The following PPP4R1 variants were observed in gnomAD, a reference collection of about 807,000 sequenced individuals.
PPP4R1 encodes the protein protein phosphatase 4 regulatory subunit 1.
Under a neutral mutation model 111.2 loss-of-function variants are expected in PPP4R1, and 42 were observed. That is an observed-to-expected ratio of 0.38 (90% CI 0.29 to 0.49). The LOEUF is 0.49. Ranked by LOEUF, PPP4R1 falls within the 20% of genes least tolerant of loss-of-function variation. The pLI is 0.97. For missense variants in PPP4R1, 1,012 were observed against 1,161.6 expected, an observed-to-expected ratio of 0.87 and a Z score of 1.87; for synonymous variants, 409 against 405.5, an observed-to-expected ratio of 1.01 and a Z score of -0.10.
chr18:9,570,486 T>C lies in PPP4R1; in HGVS notation c.1244A>G (p.His415Arg). ...ATTCTCATTACTAGCTGCTTCCTGG[T>C]GAGATTCTGAGGACAAAGTACAAAG... ...SLLCTLSSES[H>R]QEAASNENDK... Residue 415 changes from histidine to arginine, a missense_variant, in exon 11 of 20, where the codon CAC (histidine) becomes CGC (arginine). Physicochemically the swap from His to Arg is conservative, Grantham distance 29. Transcript: ENST00000400556. 6.2e-7 allele frequency: 1 copy of C among 1,614,024 alleles called. No homozygotes were observed.
At chr18:9,565,870 A>G (rs2066756310) in intron 11 of PPP4R1, among the ~76,000 whole-genome samples, 1 of 152,234 alleles carries the variant, frequency 6.6e-6, no homozygotes, top group Non-Finnish European at 1.5e-5. Context: ...CAGAAGATCT[A>G]GCTAAGATTA....
At chr18:9,561,557 T>C (rs1163023827) in intron 13 of PPP4R1, among the ~76,000 whole-genome samples, 1 of 152,214 alleles carries the variant, frequency 6.6e-6, no homozygotes, top group Non-Finnish European at 1.5e-5. Context: ...TTGTTACTGA[T>C]GGCACTTTAA....
At chr18:9,607,344 G>T (rs549697866) in intron 2 of PPP4R1, among the ~76,000 whole-genome samples, 81 of 143,654 alleles carry the variant, frequency 5.6e-4, no homozygotes, top group African/African-American at 2.1e-3. Context: ...CTGGGCAACA[G>T]AGCCAGACCC....
intron 11 of PPP4R1, among the ~76,000 whole-genome samples, chr18:9,567,605 G>A (rs964799323): frequency 6.6e-6 from 1 of 152,182 alleles, no homozygotes; most frequent in African/African-American, 2.4e-5. Context: ...TGATGATGCT[G>A]TGAACATTGT....
chr18:9,609,188 T>C (rs897143146), intron 2 of PPP4R1, among the ~76,000 whole-genome samples: 11 of 152,200 alleles, frequency 7.2e-5, no homozygotes, highest in African/African-American at 2.2e-4. Context: ...ATATTATCTC[T>C]AAATAAAGAT....
intron 15 of PPP4R1, among the ~76,000 whole-genome samples, chr18:9,555,997 C>A (rs113119112): frequency 0.57 from 76,733 of 135,214 alleles, 21,709 homozygotes; most frequent in East Asian, 0.78. Flanking sequence ...AACAAACAAA[C>A]AAAAAAACAC....
At chr18:9,574,915 G>C (rs1219898762) in intron 10 of PPP4R1, among the ~76,000 whole-genome samples, 1 of 152,146 alleles carries the variant, frequency 6.6e-6, no homozygotes, top group Non-Finnish European at 1.5e-5. Flanking sequence ...ATGTGATAAC[G>C]AATGCTTATT....
rs1308485128 is a variant in PPP4R1, at chr18:9,588,184, T to C, written c.490A>G (p.Ile164Val). The C allele has an allele frequency of 1.9e-6, 3 of 1,614,196 alleles. No homozygotes were observed. The highest frequency in any genetic ancestry group is 4.5e-5 in the East Asian group (2 of 44,884). The change falls in exon 6 of 20, where the codon ATT becomes GTT. Residue 164 changes from isoleucine (I) to valine (V), a missense_variant. By Grantham distance (29) the Ile-to-Val change is conservative. Coordinates refer to ENST00000400556, the MANE Select transcript of PPP4R1 (RefSeq NM_001042388.3). ...ALLALLEQEL[I>V]ERFDVETKVC... ...TTGGTCTCCACATCAAATCGTTCAA[T>C]GAGCTCCTGCTCCAACAGAGCCAGC...
At chr18:9,578,934 AAACTT>A (rs1262040942) in intron 9 of PPP4R1, among the ~76,000 whole-genome samples, 2 of 152,218 alleles carry the variant, frequency 1.3e-5, no homozygotes, top group African/African-American at 2.4e-5. Context: ...AGGACATAGA[AAACTT>A]AATTTATCTA....
intron 9 of PPP4R1, among the ~76,000 whole-genome samples, chr18:9,581,304 AATG>A (rs1310853275): frequency 6.6e-6 from 1 of 152,212 alleles, no homozygotes; most frequent in African/African-American, 2.4e-5. Context: ...AACCAAAGGA[AATG>A]ATGATTACAG....
chr18:9,588,128 G>C lies in PPP4R1; in HGVS notation c.546C>G (p.Ala182=), dbSNP rs1399349687. 1 of 1,614,040 alleles carries C rather than the reference G, an allele frequency of 6.2e-7. No homozygotes were observed. The highest frequency in any genetic ancestry group is 2.2e-5 in the East Asian group (1 of 44,874). ...KVCPVLIELT[A]PDSNDDVKTE... ...TTTTCACATCATCATTGCTATCTGGGGCTGTCAGCTCTATGAGGACAGGGC... is the reference window on the plus strand; with the variant it reads ...TTTTCACATCATCATTGCTATCTGGCGCTGTCAGCTCTATGAGGACAGGGC... Residue 182 remains alanine (A), a synonymous_variant, in exon 6 of 20, where the codon GCC becomes GCG. Transcript: ENST00000400556.
Position 9,614,356 on chromosome 18 carries a change from CG to C in PPP4R1, c.8-87del. ...CCCCCCGCCCGCCTCCCCCCCGCCC[CG>C]GGGGCGCCTTCCCGCGCCGGGACCC... On this transcript the variant is annotated intron_variant, in intron 1 of 19. Transcript: ENST00000400556. This position sits in a 1 kb window ranked among gnomAD's most constrained non-coding sequence, Gnocchi z 4.1. The C allele has an allele frequency of 9.5e-7, 1 of 1,052,082 alleles. No individual in the cohort carries two copies. The allele number at this position is 1,052,082 out of a possible 1,614,324, so 65.2% of individuals were successfully genotyped here. A position where few individuals can be genotyped will look rare whatever the true frequency, so the allele number is the denominator to read the frequency against.
At chr18:9,604,980 A>G (rs2067454194) in intron 2 of PPP4R1, among the ~76,000 whole-genome samples, 1 of 152,226 alleles carries the variant, frequency 6.6e-6, no homozygotes, top group African/African-American at 2.4e-5. Context: ...GTATCACACC[A>G]AAGAGAACTT....
chr18:9,613,642 A>AC (rs35417038), intron 2 of PPP4R1: 92,669 of 152,056 alleles, frequency 0.61, 28,503 homozygotes, highest in African/African-American at 0.67. Flanking sequence ...ACACCTTCTA[A>AC]CCTTCTCGTA....
intron 2 of PPP4R1, among the ~76,000 whole-genome samples, chr18:9,610,629 A>AT (rs138759213): frequency 0.2 from 30,182 of 150,924 alleles, 3,326 homozygotes; most frequent in East Asian, 0.49. Context: ...CGCCCAGTTA[A>AT]TTTTTTTTTG....
intron 2 of PPP4R1, chr18:9,613,597 T>C (rs2067623041): frequency 6.6e-6 from 1 of 151,964 alleles, no homozygotes; most frequent in South Asian, 2.1e-4. Context: ...ATTAAAGAAA[T>C]ATGCTCTCCA....
At chr18:9,550,250 T>A (rs1568080968) in intron 17 of PPP4R1, 28 bp downstream of exon 17, 2 of 1,613,686 alleles carry the variant, frequency 1.2e-6, no homozygotes, top group African/African-American at 1.3e-5. Context: ...AGTTTGCTGA[T>A]CTAAAATTTT....
At chr18:9,566,203 G>A (rs1391601875) in intron 11 of PPP4R1, among the ~76,000 whole-genome samples, 1 of 151,598 alleles carries the variant, frequency 6.6e-6, no homozygotes, top group African/African-American at 2.4e-5. Flanking sequence ...GAGCCACCTC[G>A]CCCGGCCCAG....
rs1313605789 is a variant in PPP4R1, at chr18:9,547,712, C to T, written c.*77G>A. 3.2e-6 allele frequency: 5 copies of T among 1,549,396 alleles called. No homozygotes were observed. The highest frequency in any genetic ancestry group is 4.4e-6 in the Non-Finnish European group (5 of 1,130,286). ...GGTCTCTCCTCCCCCGAAAGCTATC[C>T]CAGGTCACATGCGTGGCGAATGCCC... On this transcript the variant is annotated 3_prime_UTR_variant, in exon 20 of 20. Coordinates refer to ENST00000400556, the MANE Select transcript of PPP4R1 (RefSeq NM_001042388.3).
Sources: gnomAD v4.1 joint callset for allele counts (sites outside exome capture counted in the v4.1 genomes callset) on GRCh38, gnomAD v4.1.1 for gene constraint, Gnocchi (gnomAD v3.1) non-coding constraint, MANE v1.5 for transcripts, NCBI Gene and HGNC (gene_info 2026-07-23, HGNC 2026-07-21) for gene names.